The following PDE4D variants were observed in gnomAD, a reference collection of about 807,000 sequenced individuals.
PDE4D encodes 3',5'-cyclic-AMP phosphodiesterase 4D.
PDE4D carries 24 observed loss-of-function variants against 87.4 expected under a neutral mutation model. That is an observed-to-expected ratio of 0.27 (90% CI 0.20 to 0.39). The LOEUF (loss-of-function observed/expected upper bound fraction) is 0.39, where lower values mean the gene tolerates loss of function less well. PDE4D is among the 10% of genes least tolerant of loss of function. The probability of loss-of-function intolerance (pLI) is 1.00; values close to 1 mark genes in which losing one functional copy is unlikely to be tolerated. For missense variants in PDE4D, 714 were observed against 1,041.0 expected (o/e 0.69, Z 4.32); for synonymous variants, 384 against 383.2 (o/e 1.00, Z -0.02).
chr5:59,200,135 A>G, intron 2 of PDE4D, among the ~76,000 whole-genome samples: 1 of 150,858 alleles, frequency 6.6e-6, no homozygotes, highest in East Asian at 2.0e-4. Context: ...GTAGACATAC[A>G]TGTATGTACA....
chr5:59,633,436 T>C (rs1831829346), intron 1 of PDE4D, among the ~76,000 whole-genome samples: 1 of 151,902 alleles, frequency 6.6e-6, no homozygotes, highest in Non-Finnish European at 1.5e-5. Flanking sequence ...CACATAATCG[T>C]GAGATTCATC....
intron 5 of PDE4D, among the ~76,000 whole-genome samples, chr5:59,050,203 GTTACAGT>G (rs1461220531): frequency 6.6e-6 from 1 of 152,100 alleles, no homozygotes; most frequent in Non-Finnish European, 1.5e-5. Context: ...GGAGGCGGAG[GTTACAGT>G]GAGCCGAGAT....
intron 1 of PDE4D, among the ~76,000 whole-genome samples, chr5:59,357,760 C>T (rs962932747): frequency 1.3e-5 from 2 of 152,142 alleles, no homozygotes; most frequent in African/African-American, 4.8e-5. Context: ...GCATCTATTT[C>T]AAGAAATTGT....
At chr5:59,277,242 G>A (rs1476924922) in intron 1 of PDE4D, among the ~76,000 whole-genome samples, 1 of 152,104 alleles carries the variant, frequency 6.6e-6, no homozygotes, top group East Asian at 1.9e-4. Context: ...ACTTCAAGGT[G>A]CATTTGTGAC....
chr5:59,565,053 C>T (rs1820645094), intron 1 of PDE4D, among the ~76,000 whole-genome samples: 1 of 152,126 alleles, frequency 6.6e-6, no homozygotes, highest in African/African-American at 2.4e-5. Context: ...AAAACACTTT[C>T]CACCAGGAGG....
intron 1 of PDE4D, among the ~76,000 whole-genome samples, chr5:60,470,065 G>A (rs562028148): frequency 6.6e-4 from 100 of 152,276 alleles, no homozygotes; most frequent in African/African-American, 2.4e-3. Flanking sequence ...GAAAAGTTCT[G>A]AAAGAAATTA....
chr5:59,776,903 C>T (rs1474836401), intron 1 of PDE4D, among the ~76,000 whole-genome samples: 1 of 151,742 alleles, frequency 6.6e-6, no homozygotes, highest in Admixed American at 6.6e-5. Flanking sequence ...ATATATGGAG[C>T]TGGGTTGAAT....
intron 5 of PDE4D, among the ~76,000 whole-genome samples, chr5:59,169,489 C>T (rs1430134504): frequency 6.6e-6 from 1 of 152,130 alleles, no homozygotes; most frequent in Non-Finnish European, 1.5e-5. Flanking sequence ...TACTTAAAAT[C>T]TTGTATGTAT....
chr5:60,029,237 C>G (rs571992616), intron 2 of PDE4D, among the ~76,000 whole-genome samples: 3 of 152,152 alleles, frequency 2.0e-5, no homozygotes, highest in Non-Finnish European at 4.4e-5. Context: ...ATCTTGGGGC[C>G]CCCAAATCAC....
At chr5:59,947,165 T>C (rs1314569425) in intron 3 of PDE4D, among the ~76,000 whole-genome samples, 1 of 152,240 alleles carries the variant, frequency 6.6e-6, no homozygotes, top group Non-Finnish European at 1.5e-5. Context: ...GTTATGTGAT[T>C]ACATTTGGCT....
chr5:60,456,563 T>G (rs942335087), intron 1 of PDE4D, among the ~76,000 whole-genome samples: 1 of 152,220 alleles, frequency 6.6e-6, no homozygotes, highest in Non-Finnish European at 1.5e-5. Flanking sequence ...CCTGCCCAAT[T>G]AGCACAAGAG....
chr5:59,425,016 T>G (rs1484372079), intron 1 of PDE4D, among the ~76,000 whole-genome samples: 2 of 152,212 alleles, frequency 1.3e-5, no homozygotes, highest in African/African-American at 4.8e-5. Context: ...TTTGATCATT[T>G]ATTCAGCTAT....
intron 1 of PDE4D, among the ~76,000 whole-genome samples, chr5:59,353,076 C>A (rs766799993): frequency 4.6e-5 from 7 of 152,142 alleles, no homozygotes; most frequent in African/African-American, 1.4e-4. Context: ...TTCAAATGTA[C>A]CTTGAGTGAC....
At chr5:60,500,913 A>G (rs1367030804) in intron 1 of PDE4D, among the ~76,000 whole-genome samples, 3 of 152,218 alleles carry the variant, frequency 2.0e-5, no homozygotes, top group African/African-American at 7.2e-5. Context: ...AGCTGAGGCA[A>G]CTGAGGCTGA....
At chr5:59,884,320 T>C in intron 1 of PDE4D, among the ~76,000 whole-genome samples, 1 of 151,766 alleles carries the variant, frequency 6.6e-6, no homozygotes, top group Non-Finnish European at 1.5e-5. Context: ...ATACCACACA[T>C]ACACCTACAT....
chr5:60,461,126 T>C (rs569680033), intron 1 of PDE4D, among the ~76,000 whole-genome samples: 1 of 152,250 alleles, frequency 6.6e-6, no homozygotes, highest in East Asian at 1.9e-4. Flanking sequence ...GAATGAGTGC[T>C]CTCAAAAAAT....
At chr5:59,964,890 G>GC (rs1561918552) in intron 3 of PDE4D, among the ~76,000 whole-genome samples, 1 of 151,934 alleles carries the variant, frequency 6.6e-6, no homozygotes, top group Non-Finnish European at 1.5e-5. Flanking sequence ...CTGGCTCCAT[G>GC]GTATTGCTTA....
intron 1 of PDE4D, among the ~76,000 whole-genome samples, chr5:60,317,180 A>T (rs1755695857): frequency 6.6e-6 from 1 of 152,168 alleles, no homozygotes; most frequent in Non-Finnish European, 1.5e-5. Flanking sequence ...TTTTTGGTCT[A>T]TTCAGAGATT....
intron 1 of PDE4D, among the ~76,000 whole-genome samples, chr5:59,783,739 G>C (rs1711974175): frequency 2.0e-5 from 3 of 152,132 alleles, no homozygotes; most frequent in Admixed American, 1.3e-4. Flanking sequence ...ATTGATCCTG[G>C]AACATTCCAT....
Sources: gnomAD v4.1 joint callset for allele counts (sites outside exome capture counted in the v4.1 genomes callset) on GRCh38, gnomAD v4.1.1 for gene constraint, MANE v1.5 for transcripts, NCBI Gene and HGNC (gene_info 2026-07-23, HGNC 2026-07-21) for gene names.